Variants in SLC14A2 observed in about 807,000 individuals in gnomAD.
SLC14A2 encodes the protein urea transporter 2.
A neutral mutation model predicts 104.6 loss-of-function variants in SLC14A2; 91 were observed. The observed-to-expected ratio is 0.87, with a 90% CI of 0.73 to 1.04. SLC14A2 has a LOEUF of 1.04. SLC14A2 is among the 50% of genes least tolerant of loss of function. The pLI is 0.00. For missense variants in SLC14A2, 1,189 were observed against 1,156.0 expected, an observed-to-expected ratio of 1.03 and a Z score of -0.41; for synonymous variants, 476 against 466.4, an observed-to-expected ratio of 1.02 and a Z score of -0.27.
chr18:45,243,357 A>T (rs1023450770), intron 1 of SLC14A2, among the ~76,000 whole-genome samples: 13 of 152,318 alleles, frequency 8.5e-5, no homozygotes, highest in Admixed American at 6.5e-4. Context: ...TGACCATTTT[A>T]CAGATAAAGA....
At chr18:45,597,147 G>A (rs1164343916) in intron 2 of SLC14A2, among the ~76,000 whole-genome samples, 1 of 152,138 alleles carries the variant, frequency 6.6e-6, no homozygotes, top group Non-Finnish European at 1.5e-5. Context: ...GTAAAACATG[G>A]TAAACACCAT....
the SLC14A2 span, among the ~76,000 whole-genome samples, chr18:45,184,481 T>TA: frequency 6.6e-6 from 1 of 152,188 alleles, no homozygotes; most frequent in African/African-American, 2.4e-5. Context: ...GCAGACACAG[T>TA]ACTTAATTAT....
intron 2 of SLC14A2, chr18:45,489,817 T>C (rs2087686898): frequency 6.6e-6 from 1 of 152,222 alleles, no homozygotes; most frequent in Admixed American, 6.5e-5. Flanking sequence ...ACATTTTGTC[T>C]CAGATCACAT....
At chr18:45,390,302 C>G (rs1444740238) in intron 1 of SLC14A2, among the ~76,000 whole-genome samples, 2 of 152,094 alleles carry the variant, frequency 1.3e-5, no homozygotes, top group African/African-American at 4.8e-5. Context: ...ATGAAGCAAC[C>G]AGTGAACAAT....
At chr18:45,185,110 A>G in the SLC14A2 span, among the ~76,000 whole-genome samples, 1 of 152,208 alleles carries the variant, frequency 6.6e-6, no homozygotes, top group Non-Finnish European at 1.5e-5. Context: ...GCTTTGAACC[A>G]GGCAACATGG....
chr18:45,183,781 G>T, the SLC14A2 span, among the ~76,000 whole-genome samples: 14 of 151,108 alleles, frequency 9.3e-5, no homozygotes, highest in African/African-American at 3.4e-4. Context: ...GCTCAGGCTG[G>T]ATGGAGTGCA....
intron 2 of SLC14A2, among the ~76,000 whole-genome samples, chr18:45,511,663 A>T (rs780850270): frequency 6.6e-5 from 10 of 152,224 alleles, no homozygotes; most frequent in Admixed American, 1.3e-4. Context: ...CTGGGGTCTC[A>T]GGTGTATGTG....
At position 45,644,139 on chromosome 18, in the gene SLC14A2, G is replaced by A; in HGVS notation, c.1330G>A (p.Glu444Lys). 1 of 1,614,226 alleles carries A rather than the reference G, an allele frequency of 6.2e-7. No individual in the cohort carries two copies. The highest frequency in any genetic ancestry group is 1.1e-5 in the South Asian group (1 of 91,086). Residue 444 changes from glutamate to lysine, a missense_variant, in exon 10 of 20, where the codon GAA becomes AAA. Glu to Lys is a moderately conservative substitution (Grantham distance 56). Coordinates refer to ENST00000255226, the MANE Select transcript of SLC14A2 (RefSeq NM_007163.4). ...RIYYLTVKSG[E>K]EEKAPSGGGG... ...CTACTACCTGACAGTGAAAAGCGGT[G>A]AAGAAGAGAAGGCCCCCAGCGGTGA...
At chr18:45,368,784 C>G (rs767488193) in intron 1 of SLC14A2, among the ~76,000 whole-genome samples, 4 of 152,182 alleles carry the variant, frequency 2.6e-5, no homozygotes, top group Non-Finnish European at 5.9e-5. Context: ...TTGCTTCTCT[C>G]CTACCAGTGA....
At chr18:45,183,123 ACTGTTTGCG>A in the SLC14A2 span, among the ~76,000 whole-genome samples, 1 of 152,180 alleles carries the variant, frequency 6.6e-6, no homozygotes, top group South Asian at 2.1e-4. Context: ...TGATGAGGGT[ACTGTTTGCG>A]CTGGCTTCCC....
At chr18:45,608,850 G>A (rs1008457361) in intron 2 of SLC14A2, among the ~76,000 whole-genome samples, 15 of 152,152 alleles carry the variant, frequency 9.9e-5, no homozygotes, top group Non-Finnish European at 5.9e-5. Context: ...GCGTGAGGGG[G>A]GCATGGAATA....
chr18:45,422,268 T>A (rs988594313), intron 1 of SLC14A2, among the ~76,000 whole-genome samples: 1 of 152,076 alleles, frequency 6.6e-6, no homozygotes, highest in Non-Finnish European at 1.5e-5. Flanking sequence ...TTACAGTGGT[T>A]TGAAAATGAG....
intron 1 of SLC14A2, among the ~76,000 whole-genome samples, chr18:45,273,043 A>T (rs1366872403): frequency 1.3e-5 from 2 of 152,122 alleles, no homozygotes; most frequent in East Asian, 3.9e-4. Flanking sequence ...ACTGACTTAA[A>T]CTAAAGCATG....
chr18:45,180,949 G>T, the SLC14A2 span: 1 of 152,234 alleles, frequency 6.6e-6, no homozygotes, highest in Non-Finnish European at 1.5e-5. Context: ...GTGAGAAGGG[G>T]ATTCAGGGAA....
chr18:45,476,412 A>C (rs1320804115), intron 1 of SLC14A2, among the ~76,000 whole-genome samples: 2 of 151,966 alleles, frequency 1.3e-5, no homozygotes, highest in South Asian at 2.1e-4. Flanking sequence ...TGCCCTTAAC[A>C]TTTTTTCCTT....
intron 1 of SLC14A2, among the ~76,000 whole-genome samples, chr18:45,239,847 C>T (rs904172181): frequency 5.9e-5 from 9 of 152,154 alleles, no homozygotes; most frequent in African/African-American, 2.2e-4. Context: ...CAAAGATCTT[C>T]ATATAGAGTG....
chr18:45,631,795 T>C (rs772996453), intron 4 of SLC14A2, among the ~76,000 whole-genome samples: 13 of 152,146 alleles, frequency 8.5e-5, no homozygotes, highest in Non-Finnish European at 1.8e-4. Flanking sequence ...CTAATTTTTG[T>C]ATTTTAGCAG....
intron 10 of SLC14A2, 103 bp from the exon 11 acceptor site, chr18:45,663,682 C>T (rs1169226200): frequency 1.5e-5 from 20 of 1,328,052 alleles, no homozygotes; most frequent in Non-Finnish European, 2.1e-6. Context: ...CTTCACTGCT[C>T]TCTCCTTTCC....
At chr18:45,377,672 G>A (rs1048083535) in intron 1 of SLC14A2, among the ~76,000 whole-genome samples, 8 of 152,062 alleles carry the variant, frequency 5.3e-5, no homozygotes, top group Non-Finnish European at 1.0e-4. Flanking sequence ...TGGTTTGGCT[G>A]TTCTCTACCT....
Sources: allele counts gnomAD v4.1 joint callset (sites outside exome capture counted in the v4.1 genomes callset), GRCh38; gene constraint gnomAD v4.1.1; transcripts MANE v1.5; gene names NCBI Gene and HGNC (gene_info 2026-07-23, HGNC 2026-07-21).